RAB12: variants seen among roughly 807,000 people sequenced by gnomAD.
The protein encoded by RAB12 is ras-related protein Rab-12.
RAB12 carries 11 observed loss-of-function variants against 28.4 expected under a neutral mutation model. The ratio of observed to expected loss-of-function variants is 0.39; its 90% confidence interval spans 0.24 to 0.64. RAB12 has a LOEUF of 0.64. RAB12 is among the 30% of genes least tolerant of loss of function. The pLI, the probability that RAB12 is intolerant of heterozygous loss-of-function variation, is 0.50. For missense variants in RAB12, 276 were observed against 351.1 expected, an observed-to-expected ratio of 0.79 and a Z score of 1.71; for synonymous variants, 138 against 145.3, an observed-to-expected ratio of 0.95 and a Z score of 0.36.
chr18:8,635,715 A>G (rs1384247426), intron 4 of RAB12, 93 bp downstream of exon 4: 7 of 791,586 alleles, frequency 8.8e-6, no homozygotes, highest in East Asian at 5.8e-5. Context: ...AAAAATTACA[A>G]AGAAATTATC....
chr18:8,623,178 G>A (rs941901375), intron 1 of RAB12, among the ~76,000 whole-genome samples: 6 of 152,114 alleles, frequency 3.9e-5, no homozygotes, highest in East Asian at 3.8e-4. Context: ...GAAATCACAA[G>A]GGTATTGATT....
chr18:8,625,095 C>A, intron 2 of RAB12, 97 bp downstream of exon 2: 1 of 708,644 alleles, frequency 1.4e-6, no homozygotes, highest in South Asian at 2.1e-5. Flanking sequence ...ATTTGCCTCT[C>A]CTACTTTCTC....
chr18:8,625,095 CCTA>C (rs2096011948), intron 2 of RAB12, 97 bp downstream of exon 2: 1 of 708,526 alleles, frequency 1.4e-6, no homozygotes, highest in Non-Finnish European at 2.4e-6. Flanking sequence ...ATTTGCCTCT[CCTA>C]CTTTCTCCTC....
chr18:8,633,729 G>A (rs544903325), intron 3 of RAB12, among the ~76,000 whole-genome samples: 19 of 152,270 alleles, frequency 1.2e-4, no homozygotes, highest in East Asian at 7.7e-4. Flanking sequence ...GATGTCCCAC[G>A]CGCCTCCGTC....
rs1268166001 is a variant in RAB12 at position 8,627,708 on chromosome 18, C to G, written c.575+2710C>G. Reference sequence around the variant, plus strand: ...GGACTTGAAGCCGTGAAATTTGCCTCTTACCTTTAGGCAAACACAGAATTG... The same window carrying G: ...GGACTTGAAGCCGTGAAATTTGCCTGTTACCTTTAGGCAAACACAGAATTG... On this transcript the variant is annotated intron_variant, in intron 2 of 5. Coordinates refer to ENST00000649141, the MANE Select transcript of RAB12 (RefSeq NM_001025300.3). Among the ~76,000 whole-genome samples the G allele has an allele frequency of 2.0e-5, 3 of 152,220 alleles. No individual in the cohort carries two copies. In the East Asian group the frequency reaches 5.8e-4, roughly 29 times the overall value.
At chr18:8,623,654 C>T (rs2148708780) in intron 1 of RAB12, among the ~76,000 whole-genome samples, 1 of 152,338 alleles carries the variant, frequency 6.6e-6, no homozygotes, top group Non-Finnish European at 1.5e-5. Context: ...AGTGTCTGAG[C>T]TTCCTTTGAC....
intron 1 of RAB12, among the ~76,000 whole-genome samples, chr18:8,620,559 C>CTTT (rs35318465): frequency 6.8e-6 from 1 of 146,962 alleles, no homozygotes; most frequent in Non-Finnish European, 1.5e-5. Context: ...ACTCAGATGC[C>CTTT]TTTTTTTTTT....
chr18:8,612,024 A>G (rs1203170516), intron 1 of RAB12, among the ~76,000 whole-genome samples: 1 of 152,202 alleles, frequency 6.6e-6, no homozygotes, highest in East Asian at 1.9e-4. Context: ...TTTCTGCTTC[A>G]GAGTTGCTTT....
chr18:8,616,126 T>A (rs1453999669), intron 1 of RAB12, among the ~76,000 whole-genome samples: 1 of 152,180 alleles, frequency 6.6e-6, no homozygotes, highest in Non-Finnish European at 1.5e-5. Context: ...CAGCATTTTG[T>A]ATTTATATAA....
intron 2 of RAB12, among the ~76,000 whole-genome samples, chr18:8,625,480 C>A (rs2148709278): frequency 6.6e-6 from 1 of 152,332 alleles, no homozygotes; most frequent in Middle Eastern, 3.4e-3. Flanking sequence ...CTCCTTCCGG[C>A]TGTACTGCTG....
intron 1 of RAB12, among the ~76,000 whole-genome samples, chr18:8,617,236 C>T (rs1025492285): frequency 7.2e-5 from 11 of 151,954 alleles, no homozygotes; most frequent in African/African-American, 2.2e-4. Flanking sequence ...CCTGTAGATC[C>T]GAAAACTCTG....
chr18:8,638,155 C>G lies in RAB12; in HGVS notation c.916C>G (p.Leu306Val). The change falls in exon 6 of 6, where the codon CTG becomes GTG. Residue 306 changes from leucine (L) to valine (V), a missense_variant. Transcript: ENST00000649141. ...LVDDILKKMP[L>V]DILRNELSNS... ...TTGTTTGTTTATACGTTAGATGCCT[C>G]TGGATATTTTAAGGAATGAGTTGTC... 6.2e-7 allele frequency: 1 copy of G among 1,610,624 alleles called. No individual in the cohort carries two copies. Among genetic ancestry groups the G allele is most frequent in the Non-Finnish European group, 8.5e-7 (1 of 1,177,088 alleles).
intron 2 of RAB12, among the ~76,000 whole-genome samples, chr18:8,627,469 A>C (rs1468005893): frequency 1.3e-5 from 2 of 152,176 alleles, no homozygotes; most frequent in Non-Finnish European, 2.9e-5. Flanking sequence ...GTCACGTTTT[A>C]TGTCATTGCC....
At chr18:8,630,231 A>C (rs1020918156) in intron 2 of RAB12, among the ~76,000 whole-genome samples, 1 of 152,204 alleles carries the variant, frequency 6.6e-6, no homozygotes, top group African/African-American at 2.4e-5. Flanking sequence ...ATAATACATC[A>C]ATCAATACAT....
At chr18:8,614,017 G>A (rs1215403349) in intron 1 of RAB12, among the ~76,000 whole-genome samples, 7 of 152,158 alleles carry the variant, frequency 4.6e-5, no homozygotes, top group African/African-American at 1.7e-4. Flanking sequence ...AAGTGGTCAG[G>A]GCCAAGGGCT....
intron 2 of RAB12, among the ~76,000 whole-genome samples, chr18:8,626,512 A>G (rs1321901533): frequency 6.6e-6 from 1 of 152,014 alleles, no homozygotes; most frequent in African/African-American, 2.4e-5. Context: ...TTTATAAAGT[A>G]TGTCCAAATG....
intron 1 of RAB12, among the ~76,000 whole-genome samples, chr18:8,618,649 A>G (rs2096008036): frequency 6.6e-6 from 1 of 152,026 alleles, no homozygotes; most frequent in African/African-American, 2.4e-5. Flanking sequence ...AGCTGGGACC[A>G]CAGGCACCCA....
At chr18:8,613,800 G>A (rs534496772) in intron 1 of RAB12, among the ~76,000 whole-genome samples, 21 of 151,850 alleles carry the variant, frequency 1.4e-4, no homozygotes, top group African/African-American at 3.6e-4. Flanking sequence ...CTTTGGATAA[G>A]TAATGTAGTT....
intron 4 of RAB12, 104 bp downstream of exon 4, chr18:8,635,726 A>G (rs2096018528): frequency 2.8e-6 from 2 of 703,278 alleles, no homozygotes; most frequent in East Asian, 5.8e-5. Context: ...AGAAATTATC[A>G]ATACAGTGAT....
Sources: allele counts gnomAD v4.1 joint callset (sites outside exome capture counted in the v4.1 genomes callset), GRCh38; gene constraint gnomAD v4.1.1; transcripts MANE v1.5; gene names NCBI Gene and HGNC (gene_info 2026-07-23, HGNC 2026-07-21).